ZNF385D: variants seen among roughly 807,000 people sequenced by gnomAD.
ZNF385D encodes zinc finger protein 659.
ZNF385D carries 15 observed loss-of-function variants against 35.8 expected under a neutral mutation model. The ratio of observed to expected loss-of-function variants is 0.42; its 90% CI spans 0.28 to 0.64. The LOEUF (loss-of-function observed/expected upper bound fraction) is 0.64. Ranked by LOEUF, ZNF385D falls within the 30% of genes least tolerant of loss-of-function variation. The probability of loss-of-function intolerance (pLI) is 0.23; values close to 1 mark genes in which losing one functional copy is unlikely to be tolerated. For missense variants in ZNF385D, 474 were observed against 494.6 expected (o/e 0.96, Z 0.39); for synonymous variants, 212 against 186.8 (o/e 1.13, Z -1.10).
At chr3:21,574,115 C>T (rs1317297778) in intron 2 of ZNF385D, among the ~76,000 whole-genome samples, 43 of 150,394 alleles carry the variant, frequency 2.9e-4, no homozygotes, top group Non-Finnish European at 5.9e-5. Flanking sequence ...TGTATCTAGG[C>T]AGTGACCAAC....
intron 3 of ZNF385D, among the ~76,000 whole-genome samples, chr3:21,793,133 GC>G (rs1237963365): frequency 1.3e-5 from 2 of 152,168 alleles, no homozygotes; most frequent in Non-Finnish European, 2.9e-5. Context: ...AGAATTCAAT[GC>G]CAATGTAACA....
At chr3:22,031,785 C>A (rs558855682) in intron 3 of ZNF385D, among the ~76,000 whole-genome samples, 1 of 152,168 alleles carries the variant, frequency 6.6e-6, no homozygotes, top group Non-Finnish European at 1.5e-5. Context: ...TCTTTTCTAC[C>A]GCATGGTCAC....
intron 3 of ZNF385D, chr3:21,878,115 G>A (rs1291910772): frequency 6.6e-6 from 1 of 151,866 alleles, no homozygotes; most frequent in South Asian, 2.1e-4. Flanking sequence ...GACATCTTAG[G>A]TTCAGTAAAA....
rs1339058924 is a variant in ZNF385D at position 21,421,465 on chromosome 3, T to A, written c.955-18A>T. 4 of 1,580,572 alleles carry A rather than the reference T, an allele frequency of 2.5e-6. No homozygotes were observed. The highest frequency in any genetic ancestry group is 1.7e-5 in the Admixed American group (1 of 57,326). ...AATTTTACCTGCAAGGGAGAAAAAATATTGTAAAAAAAACAACAGTTTTGG... is the reference window on the plus strand; with the variant it reads ...AATTTTACCTGCAAGGGAGAAAAAAAATTGTAAAAAAAACAACAGTTTTGG... On this transcript the variant is annotated intron_variant, in intron 7 of 7. Transcript: ENST00000281523.
At chr3:22,101,165 G>C (rs1017966851) in intron 3 of ZNF385D, among the ~76,000 whole-genome samples, 1 of 152,000 alleles carries the variant, frequency 6.6e-6, no homozygotes, top group Non-Finnish European at 1.5e-5. Flanking sequence ...ATAAGTTACT[G>C]TCTTTTCTAG....
At chr3:21,943,261 A>T (rs1178851518) in intron 3 of ZNF385D, among the ~76,000 whole-genome samples, 1 of 150,820 alleles carries the variant, frequency 6.6e-6, no homozygotes, top group African/African-American at 2.4e-5. Flanking sequence ...ATATTCACTG[A>T]CTCTATATTT....
chr3:21,729,081 A>T (rs35804331), intron 1 of ZNF385D, among the ~76,000 whole-genome samples: 25,379 of 152,044 alleles, frequency 0.17, 2,588 homozygotes, highest in Admixed American at 0.3. Context: ...CTGTATTCTG[A>T]GTACAGAAAT....
intron 3 of ZNF385D, among the ~76,000 whole-genome samples, chr3:21,944,231 G>A (rs1443012960): frequency 6.6e-6 from 1 of 152,144 alleles, no homozygotes; most frequent in Non-Finnish European, 1.5e-5. Context: ...ATCTTCTTAA[G>A]TCTCCTGTGG....
intron 2 of ZNF385D, among the ~76,000 whole-genome samples, chr3:22,296,063 C>G (rs917775745): frequency 6.6e-6 from 1 of 152,120 alleles, no homozygotes; most frequent in Non-Finnish European, 1.5e-5. Context: ...AGGCCGCATA[C>G]CATCTATCTA....
At chr3:21,903,822 T>A (rs773609603) in intron 3 of ZNF385D, among the ~76,000 whole-genome samples, 3 of 152,136 alleles carry the variant, frequency 2.0e-5, no homozygotes, top group Non-Finnish European at 4.4e-5. Flanking sequence ...CAGAAAGACT[T>A]TCCTGTGAGA....
At chr3:22,309,402 A>G (rs1393395041) in intron 2 of ZNF385D, among the ~76,000 whole-genome samples, 1 of 152,084 alleles carries the variant, frequency 6.6e-6, no homozygotes, top group Admixed American at 6.6e-5. Flanking sequence ...TGTTTCTTGG[A>G]TTTAAGAAGG....
intron 1 of ZNF385D, among the ~76,000 whole-genome samples, chr3:21,724,762 T>G (rs1454771873): frequency 6.6e-6 from 1 of 152,062 alleles, no homozygotes; most frequent in Non-Finnish European, 1.5e-5. Flanking sequence ...CTGTCAATAT[T>G]AGACAGATCA....
intron 3 of ZNF385D, among the ~76,000 whole-genome samples, chr3:22,114,688 T>TG (rs1702720403): frequency 6.6e-6 from 1 of 152,092 alleles, no homozygotes; most frequent in Non-Finnish European, 1.5e-5. Context: ...GTGAAGATGC[T>TG]GGGGTATTTT....
At chr3:21,802,525 T>G (rs921660189) in intron 3 of ZNF385D, among the ~76,000 whole-genome samples, 1 of 151,634 alleles carries the variant, frequency 6.6e-6, no homozygotes, top group South Asian at 2.1e-4. Context: ...GAAAAGAAAT[T>G]TCATTTTCAG....
intron 3 of ZNF385D, among the ~76,000 whole-genome samples, chr3:21,833,790 C>T (rs1011506902): frequency 1.3e-5 from 2 of 152,090 alleles, no homozygotes; most frequent in African/African-American, 2.4e-5. Context: ...TCATTTTATT[C>T]ATCTGTAAAA....
intron 2 of ZNF385D, among the ~76,000 whole-genome samples, chr3:21,642,963 A>G (rs78099134): frequency 0.012 from 1,761 of 152,250 alleles, 37 homozygotes; most frequent in African/African-American, 0.041. Context: ...ATGAATGCAG[A>G]ATTTCAATTT....
chr3:21,783,321 C>T (rs532393301), intron 3 of ZNF385D, among the ~76,000 whole-genome samples: 1 of 152,008 alleles, frequency 6.6e-6, no homozygotes. Flanking sequence ...CAAAATTGGG[C>T]TCTCCCAGGG....
chr3:21,598,085 A>G (rs962719299), intron 2 of ZNF385D, among the ~76,000 whole-genome samples: 2 of 152,184 alleles, frequency 1.3e-5, no homozygotes, highest in East Asian at 1.9e-4. Context: ...ACACATTTCT[A>G]ATAATTCATA....
chr3:21,687,615 T>G (rs936656677), intron 1 of ZNF385D, among the ~76,000 whole-genome samples: 2 of 152,180 alleles, frequency 1.3e-5, no homozygotes, highest in African/African-American at 4.8e-5. Context: ...AGGTTTACAT[T>G]AAGGCTCACT....
Sources: allele counts gnomAD v4.1 joint callset (sites outside exome capture counted in the v4.1 genomes callset), GRCh38; gene constraint gnomAD v4.1.1; transcripts MANE v1.5; gene names NCBI Gene and HGNC (gene_info 2026-07-23, HGNC 2026-07-21).